Variants in PDLIM5 observed in about 807,000 individuals in gnomAD.
PDLIM5 encodes the protein PDZ and LIM domain protein 5.
A neutral mutation model predicts 64.2 loss-of-function variants in PDLIM5; 34 were observed. The observed-to-expected ratio is 0.53, with a 90% CI of 0.40 to 0.71. The LOEUF (loss-of-function observed/expected upper bound fraction) is 0.71. PDLIM5 is among the 30% of genes least tolerant of loss of function. PDLIM5 has a pLI of 0.00. For missense variants in PDLIM5, 683 were observed against 733.6 expected (o/e 0.93, Z 0.80); for synonymous variants, 253 against 269.1 (o/e 0.94, Z 0.59).
intron 2 of PDLIM5, among the ~76,000 whole-genome samples, chr4:94,517,763 C>T (rs146107128): frequency 1.4e-3 from 214 of 152,268 alleles, no homozygotes; most frequent in African/African-American, 4.8e-3. Flanking sequence ...TGAAAATATG[C>T]AGAAGATTGA....
intron 8 of PDLIM5, among the ~76,000 whole-genome samples, chr4:94,632,918 T>C (rs1276853226): frequency 6.6e-6 from 1 of 152,144 alleles, no homozygotes; most frequent in African/African-American, 2.4e-5. Context: ...TCTGTGTAGG[T>C]TAACTGTTAG....
chr4:94,627,517 T>C (rs1739795776), intron 8 of PDLIM5, among the ~76,000 whole-genome samples: 1 of 152,240 alleles, frequency 6.6e-6, no homozygotes, highest in Non-Finnish European at 1.5e-5. Flanking sequence ...AATTGATGCA[T>C]ATGGTTTAAA....
At chr4:94,586,695 G>A (rs1383829417) in intron 7 of PDLIM5, among the ~76,000 whole-genome samples, 2 of 152,036 alleles carry the variant, frequency 1.3e-5, no homozygotes, top group Admixed American at 6.6e-5. Flanking sequence ...GGTATATTTC[G>A]GGGTGCTTTG....
At position 94,665,982 on chromosome 4, in the gene PDLIM5, A is replaced by G. The variant is rs906490263; in HGVS notation, c.*1915A>G. 5 of 1,532,744 alleles carry G rather than the reference A, an allele frequency of 3.3e-6. No individual in the cohort carries two copies. The highest frequency in any genetic ancestry group is 2.0e-5 in the Admixed American group (1 of 50,700). 94.9% of individuals were successfully genotyped at this position (1,532,744 alleles called of 1,614,324 possible). ...CCTGTTGCTATTTGCCCAGTGAGAAAACAGATTCTGGTATTTGATTTGGTT... is the reference window on the plus strand; with the variant it reads ...CCTGTTGCTATTTGCCCAGTGAGAAGACAGATTCTGGTATTTGATTTGGTT... On this transcript the variant is annotated 3_prime_UTR_variant, in exon 13 of 13. Transcript: ENST00000317968.
chr4:94,609,739 C>T (rs1437744605), intron 7 of PDLIM5, among the ~76,000 whole-genome samples: 3 of 152,096 alleles, frequency 2.0e-5, no homozygotes, highest in Admixed American at 2.0e-4. Context: ...TATATCGTCT[C>T]TAAGGTAAAG....
chr4:94,659,479 AGTATATATGTGT>A (rs1392160188), intron 11 of PDLIM5, among the ~76,000 whole-genome samples: 4 of 135,734 alleles, frequency 2.9e-5, no homozygotes, highest in African/African-American at 1.2e-4. Context: ...GAGCAGCTGT[AGTATATATGTGT>A]GTATGTGTGT....
At chr4:94,570,425 G>T (rs561373537) in intron 3 of PDLIM5, among the ~76,000 whole-genome samples, 2 of 152,326 alleles carry the variant, frequency 1.3e-5, no homozygotes, top group South Asian at 4.1e-4. Flanking sequence ...GTGTGAGTGA[G>T]TGCATGTGTA....
At chr4:94,490,151 G>A (rs17379209) in intron 2 of PDLIM5, among the ~76,000 whole-genome samples, 28,798 of 151,510 alleles carry the variant, frequency 0.19, 2,847 homozygotes, top group African/African-American at 0.22. Context: ...CTTATTGAGT[G>A]TAATAATTTG....
intron 3 of PDLIM5, among the ~76,000 whole-genome samples, chr4:94,561,511 G>A (rs1034462383): frequency 3.3e-5 from 5 of 152,142 alleles, no homozygotes; most frequent in African/African-American, 7.2e-5. Context: ...TTCGTTTATC[G>A]TAGTTTTTTA....
chr4:94,591,514 C>G (rs1388674267), intron 7 of PDLIM5, among the ~76,000 whole-genome samples: 2 of 152,178 alleles, frequency 1.3e-5, no homozygotes, highest in Non-Finnish European at 2.9e-5. Flanking sequence ...CTTCACGTGC[C>G]AGCCCCTTCA....
intron 7 of PDLIM5, among the ~76,000 whole-genome samples, chr4:94,594,040 G>A (rs897077980): frequency 2.0e-5 from 3 of 152,224 alleles, no homozygotes; most frequent in East Asian, 1.9e-4. Flanking sequence ...GTTGTTTACA[G>A]CGTGGCACAC....
At chr4:94,647,280 A>G (rs1014301094) in intron 9 of PDLIM5, among the ~76,000 whole-genome samples, 17 of 152,192 alleles carry the variant, frequency 1.1e-4, no homozygotes, top group East Asian at 1.9e-4. Flanking sequence ...AAAGATACAA[A>G]TATGTTACAA....
At chr4:94,592,320 A>G (rs1324938279) in intron 7 of PDLIM5, among the ~76,000 whole-genome samples, 1 of 152,238 alleles carries the variant, frequency 6.6e-6, no homozygotes, top group Non-Finnish European at 1.5e-5. Context: ...AGTCTTCCAT[A>G]TATAGCATTT....
intron 7 of PDLIM5, among the ~76,000 whole-genome samples, chr4:94,613,620 T>C (rs1738539207): frequency 6.6e-6 from 1 of 152,216 alleles, no homozygotes; most frequent in African/African-American, 2.4e-5. Context: ...CAATCTATTA[T>C]TTCATTTCAG....
In PDLIM5 at chr4:94,608,757, A is replaced by G. The variant is rs182943155; in HGVS notation, c.921-9247A>G. Among the ~76,000 whole-genome samples the G allele has an allele frequency of 2.3e-4, 35 of 152,304 alleles. No homozygotes were observed. The East Asian group carries it at 6.0e-3, about 26-fold the overall frequency. The stretch of plus-strand genomic sequence containing the variant: ...ACCATTATGTCTCCAAATAGTAACC[A>G]TTGTCTCAGAGATGCAGAGTAATGC... On this transcript the variant is annotated intron_variant, in intron 7 of 12. Coordinates refer to ENST00000317968, the MANE Select transcript of PDLIM5 (RefSeq NM_006457.5).
intron 10 of PDLIM5, among the ~76,000 whole-genome samples, chr4:94,657,219 A>C (rs1038783106): frequency 8.5e-5 from 13 of 152,236 alleles, no homozygotes; most frequent in African/African-American, 3.1e-4. Context: ...TAAAGAACAC[A>C]CGTCTAAATA....
chr4:94,630,111 G>T (rs1284060092), intron 8 of PDLIM5, among the ~76,000 whole-genome samples: 3 of 152,164 alleles, frequency 2.0e-5, no homozygotes, highest in Non-Finnish European at 4.4e-5. Flanking sequence ...TTTAGTATGT[G>T]TAAAATTGCT....
At chr4:94,525,416 G>A (rs1021344289) in intron 3 of PDLIM5, among the ~76,000 whole-genome samples, 42 of 149,978 alleles carry the variant, frequency 2.8e-4, no homozygotes, top group African/African-American at 9.7e-4. Context: ...ACACTCTGTC[G>A]CCCCACCCCC....
intron 3 of PDLIM5, among the ~76,000 whole-genome samples, chr4:94,551,520 A>G (rs1732804419): frequency 6.6e-6 from 1 of 152,150 alleles, no homozygotes. Flanking sequence ...AAAGATTTTT[A>G]ATTCTAGAGA....
Sources: gnomAD v4.1 joint callset for allele counts (sites outside exome capture counted in the v4.1 genomes callset) on GRCh38, gnomAD v4.1.1 for gene constraint, MANE v1.5 for transcripts, NCBI Gene and HGNC (gene_info 2026-07-23, HGNC 2026-07-21) for gene names.